The following RHCG variants were observed in gnomAD, a reference collection of about 807,000 sequenced individuals.
The protein encoded by RHCG is ammonium transporter Rh type C.
RHCG carries 39 observed loss-of-function variants against 55.3 expected under a neutral mutation model. The observed-to-expected ratio is 0.70, with a 90% CI of 0.55 to 0.92. The LOEUF (loss-of-function observed/expected upper bound fraction) is 0.92, where lower values mean the gene tolerates loss of function less well. Among genes scored for constraint, RHCG ranks in the 40% least tolerant of loss-of-function variants. The pLI is 0.00. For missense variants in RHCG, 635 were observed against 627.9 expected (o/e 1.01, Z -0.12); for synonymous variants, 250 against 246.8 (o/e 1.01, Z -0.12).
At chr15:89,487,137 C>G (rs912921297) in intron 1 of RHCG, 152 bp from the exon 2 acceptor site, 4 of 655,658 alleles carry the variant, frequency 6.1e-6, no homozygotes, top group African/African-American at 5.6e-5. Flanking sequence ...CCCCCACCCC[C>G]ACCCCCACAT....
At chr15:89,479,751 C>T (rs897114491) in intron 4 of RHCG, 13 of 496,204 alleles carry the variant, frequency 2.6e-5, no homozygotes, top group African/African-American at 7.7e-5. Context: ...GTTCCCACAG[C>T]GCCAGGAGGG....
Position 89,471,855 on chromosome 15 carries a change from C to G in RHCG, c.*25G>C, listed in dbSNP as rs1368404990. The G allele has an allele frequency of 6.6e-6, 1 of 152,530 alleles. No individual in the cohort carries two copies. Among genetic ancestry groups the G allele is most frequent in the Non-Finnish European group, 1.5e-5 (1 of 68,142 alleles). The allele number at this position is 152,530 out of a possible 1,614,324, so 9.4% of individuals were successfully genotyped here. On this transcript the variant is annotated splice_region_variant and 3_prime_UTR_variant, in exon 11 of 11. Transcript: ENST00000268122. ...CTGGGCCCCAGGACAGTCTGTGGAG[C>G]CTGCAGGGAGACAGCCAAGAGCAGC...
At chr15:89,481,716 C>G (rs1961270422) in intron 3 of RHCG, among the ~76,000 whole-genome samples, 1 of 152,158 alleles carries the variant, frequency 6.6e-6, no homozygotes, top group South Asian at 2.1e-4. Context: ...TGGATTTTCT[C>G]CTGAATGAAA....
chr15:89,480,510 T>C (rs1014324029), intron 3 of RHCG, 102 bp from the exon 4 acceptor site: 7 of 1,397,164 alleles, frequency 5.0e-6, no homozygotes, highest in Admixed American at 3.9e-5. Flanking sequence ...GCTCCAGCCT[T>C]CTCGGACTCT....
In RHCG at chr15:89,486,342, G is replaced by C. The variant is rs113137908; in HGVS notation, c.371+457C>G. ...CTCTGAGGCTGGTGCAGACATCCCA[G>C]TTCTCCCACCAGAGTCCCGTGGGCT... is the stretch of plus-strand genomic sequence containing the variant. On this transcript the variant is annotated intron_variant, in intron 2 of 10. Transcript: ENST00000268122. 3.9e-3 allele frequency: 1,785 copies of C among 456,714 alleles called. 31 individuals carry two copies. Among genetic ancestry groups the C allele is most frequent in the African/African-American group, 0.032 (1,626 of 50,136 alleles). The allele number at this position is 456,714 out of a possible 1,614,324, so 28.3% of individuals were successfully genotyped here.
intron 1 of RHCG, among the ~76,000 whole-genome samples, chr15:89,491,379 G>T (rs987945260): frequency 6.6e-6 from 1 of 152,146 alleles, no homozygotes; most frequent in South Asian, 2.1e-4. Flanking sequence ...TTGTCCTCTT[G>T]CTTCCCATCT....
At chr15:89,489,046 T>A (rs1361596222) in intron 1 of RHCG, among the ~76,000 whole-genome samples, 1 of 152,200 alleles carries the variant, frequency 6.6e-6, no homozygotes, top group Admixed American at 6.5e-5. Flanking sequence ...CATGTGTGTA[T>A]GTGCGTGTGC....
intron 2 of RHCG, among the ~76,000 whole-genome samples, chr15:89,483,420 G>T (rs189700581): frequency 1.7e-4 from 26 of 152,232 alleles, no homozygotes; most frequent in Admixed American, 9.8e-4. Context: ...TAGTACAGCA[G>T]CACACACCAG....
Position 89,486,894 on chromosome 15 carries a change from G to T in RHCG, c.276C>A (p.Asn92Lys). 6.2e-7 allele frequency: 1 copy of T among 1,613,048 alleles called. No individual in the cohort carries two copies. Among genetic ancestry groups the T allele is most frequent in the Non-Finnish European group, 8.5e-7 (1 of 1,179,140 alleles). ...QRYGFSAVGF[N>K]FLLAAFGIQW... ...GGATGCCGAAGGCTGCCAACAGGAA[G>T]TTGAAGCCCACGGCGCTGAAGCCGT... The change falls in exon 2 of 11, where the codon AAC (asparagine) becomes AAA (lysine). Residue 92 changes from asparagine (N) to lysine (K), a missense_variant. Asn to Lys is a moderately conservative substitution (Grantham distance 94, BLOSUM62 0). Coordinates refer to ENST00000268122, the MANE Select transcript of RHCG (RefSeq NM_016321.3).
intron 9 of RHCG, 113 bp from the exon 10 acceptor site, chr15:89,472,976 G>A (rs905148223): frequency 5.7e-6 from 7 of 1,228,182 alleles, no homozygotes; most frequent in East Asian, 5.8e-5. Context: ...CCTTGTGATC[G>A]CCGTGCGGAT....
chr15:89,490,288 T>C (rs933345093), intron 1 of RHCG, among the ~76,000 whole-genome samples: 1 of 152,238 alleles, frequency 6.6e-6, no homozygotes, highest in Non-Finnish European at 1.5e-5. Flanking sequence ...ACCCCTCAGC[T>C]AGCAGCTACC....
rs966200939 is a variant in RHCG, at chr15:89,477,692, G to C, written c.976-39C>G. 12 of 1,610,820 alleles carry C rather than the reference G, an allele frequency of 7.4e-6. No homozygotes were observed. The highest frequency in any genetic ancestry group is 1.1e-5 in the South Asian group (1 of 91,002). On this transcript the variant is annotated intron_variant, in intron 6 of 10. Transcript: ENST00000268122. The surrounding 1 kb of genome is among the most constrained non-coding windows in gnomAD (Gnocchi z 4.5). ...GTGGGTGCTGCTCAGGCCGGGGGCT[G>C]CATCAAGGGTGTGGGGAGGCCGGGA...
intron 1 of RHCG, among the ~76,000 whole-genome samples, chr15:89,493,698 C>T (rs550001070): frequency 2.6e-5 from 4 of 152,266 alleles, no homozygotes; most frequent in East Asian, 1.9e-4. Context: ...ACCACAGCCA[C>T]GGTGAGTGGA....
At chr15:89,473,442 C>A (rs563324780) in intron 9 of RHCG, among the ~76,000 whole-genome samples, 2 of 152,142 alleles carry the variant, frequency 1.3e-5, no homozygotes, top group Non-Finnish European at 2.9e-5. Context: ...ACCTCACTCC[C>A]AAGGTAAACC....
chr15:89,492,120 C>G (rs563850584), intron 1 of RHCG, among the ~76,000 whole-genome samples: 1 of 152,274 alleles, frequency 6.6e-6, no homozygotes, highest in Admixed American at 6.5e-5. Context: ...GCTTTGGTGA[C>G]TCCAGCTGTC....
intron 4 of RHCG, 98 bp downstream of exon 4, chr15:89,480,163 C>T: frequency 1.3e-6 from 2 of 1,503,678 alleles, no homozygotes; most frequent in South Asian, 1.1e-5. Flanking sequence ...TGGTGGCCTT[C>T]ACCCATCATG....
intron 3 of RHCG, among the ~76,000 whole-genome samples, chr15:89,480,991 T>A (rs996029820): frequency 6.6e-6 from 1 of 152,158 alleles, no homozygotes; most frequent in Non-Finnish European, 1.5e-5. Context: ...TCACTTTAGA[T>A]GGGGGAAACC....
intron 10 of RHCG, 45 bp downstream of exon 10, chr15:89,472,666 C>A (rs1961059875): frequency 3.2e-6 from 5 of 1,560,594 alleles, no homozygotes; most frequent in Non-Finnish European, 2.6e-6. Context: ...TGGGCCCCCA[C>A]TGGGAGAACC....
At chr15:89,479,922 A>G (rs1387726546) in intron 4 of RHCG, among the ~76,000 whole-genome samples, 2 of 152,214 alleles carry the variant, frequency 1.3e-5, no homozygotes, top group Non-Finnish European at 1.5e-5. Context: ...GTGGAAATGC[A>G]CATCTTGCCC....
Sources: allele counts gnomAD v4.1 joint callset (sites outside exome capture counted in the v4.1 genomes callset), GRCh38; gene constraint gnomAD v4.1.1; non-coding constraint Gnocchi (gnomAD v3.1); transcripts MANE v1.5; gene names NCBI Gene and HGNC (gene_info 2026-07-23, HGNC 2026-07-21).